IGFL2: variants seen among roughly 807,000 people sequenced by gnomAD.
IGFL2 encodes IGF like family member 2, also known as insulin growth factor-like family member 2.
In IGFL2, 7 loss-of-function variants were observed where a neutral mutation model predicts 13.9. The ratio of observed to expected loss-of-function variants is 0.51; its 90% confidence interval spans 0.29 to 0.95. The LOEUF (loss-of-function observed/expected upper bound fraction) is 0.95, where lower values mean the gene tolerates loss of function less well. Among genes scored for constraint, IGFL2 ranks in the 40% least tolerant of loss-of-function variants. The pLI, the probability that IGFL2 is intolerant of heterozygous loss-of-function variation, is 0.08. For synonymous variants in IGFL2, 55 were observed against 55.8 expected (o/e 0.99, Z 0.07); for missense variants, 138 against 147.8 (o/e 0.93, Z 0.34).
chr19:46,088,468 T>C, the IGFL2 span, among the ~76,000 whole-genome samples: 2 of 152,248 alleles, frequency 1.3e-5, no homozygotes, highest in African/African-American at 4.8e-5. Context: ...CCTTCAATTG[T>C]AACATATATA....
At chr19:46,185,397 G>A in the IGFL2 span, among the ~76,000 whole-genome samples, 1 of 152,192 alleles carries the variant, frequency 6.6e-6, no homozygotes, top group African/African-American at 2.4e-5. Flanking sequence ...TCAGAGACAT[G>A]GGGAGGAGGC....
chr19:46,184,676 T>C, the IGFL2 span, among the ~76,000 whole-genome samples: 4 of 152,362 alleles, frequency 2.6e-5, no homozygotes, highest in East Asian at 7.7e-4. Flanking sequence ...TTTGGGTTGG[T>C]TCCAAGTCTT....
chr19:46,083,444 T>A, the IGFL2 span, among the ~76,000 whole-genome samples: 2 of 152,236 alleles, frequency 1.3e-5, no homozygotes, highest in African/African-American at 4.8e-5. Context: ...TGTACATTTA[T>A]ATTAATATGT....
At chr19:46,122,747 C>T in the IGFL2 span, among the ~76,000 whole-genome samples, 1 of 150,912 alleles carries the variant, frequency 6.6e-6, no homozygotes, top group Non-Finnish European at 1.5e-5. Context: ...TTACATTACA[C>T]GTATTACCTC....
the IGFL2 span, among the ~76,000 whole-genome samples, chr19:46,196,553 G>A: frequency 6.6e-6 from 1 of 152,020 alleles, no homozygotes; most frequent in Non-Finnish European, 1.5e-5. Flanking sequence ...CGCTAGTCTC[G>A]GCTCAGCCCC....
At chr19:46,196,367 T>C in the IGFL2 span, 3,543 of 166,152 alleles carry the variant, frequency 0.021, 137 homozygotes, top group African/African-American at 0.08. Context: ...TCCCCATGCC[T>C]GGCCTCCTCC....
chr19:46,104,497 GA>G, the IGFL2 span, among the ~76,000 whole-genome samples: 1 of 152,180 alleles, frequency 6.6e-6, no homozygotes, highest in Non-Finnish European at 1.5e-5. Context: ...CCAAACCAAG[GA>G]ATTATGTCTG....
the IGFL2 span, chr19:46,209,103 A>G: frequency 2.4e-5 from 3 of 127,042 alleles, no homozygotes; most frequent in East Asian, 6.6e-4. Context: ...TCCCCAGACT[A>G]TAAGACCCAG....
the IGFL2 span, among the ~76,000 whole-genome samples, chr19:46,126,816 C>T: frequency 6.6e-6 from 1 of 152,140 alleles, no homozygotes; most frequent in Non-Finnish European, 1.5e-5. Flanking sequence ...AACCTGAAGA[C>T]TTAGTTCGTC....
At chr19:46,165,062 G>A (rs543510278), downstream of IGFL2, among the ~76,000 whole-genome samples, 55 of 152,186 alleles carry the variant, frequency 3.6e-4, no homozygotes, top group Admixed American at 9.8e-4. Flanking sequence ...CAACTTGTTA[G>A]GCCCTTGTAC....
chr19:46,145,704 C>G (rs1189231668), upstream of IGFL2, among the ~76,000 whole-genome samples: 2 of 151,628 alleles, frequency 1.3e-5, no homozygotes, highest in African/African-American at 2.4e-5. Context: ...GAGATAGTAT[C>G]TCACTGGTTT....
the IGFL2 span, among the ~76,000 whole-genome samples, chr19:46,174,568 C>T: frequency 2.0e-5 from 3 of 152,276 alleles, no homozygotes; most frequent in African/African-American, 7.2e-5. Flanking sequence ...GACTCGTCCT[C>T]AATTTTCCCT....
At chr19:46,102,204 C>T in the IGFL2 span, among the ~76,000 whole-genome samples, 21 of 148,308 alleles carry the variant, frequency 1.4e-4, no homozygotes, top group Admixed American at 2.7e-4. Flanking sequence ...TAATTTCATG[C>T]GCGCGTCTGT....
chr19:46,212,375 A>G, the IGFL2 span: 1 of 152,222 alleles, frequency 6.6e-6, no homozygotes, highest in Non-Finnish European at 1.5e-5. Context: ...ATCTGACCAC[A>G]TACATCCCCT....
chr19:46,198,889 AC>A, the IGFL2 span, among the ~76,000 whole-genome samples: 1 of 152,104 alleles, frequency 6.6e-6, no homozygotes, highest in Non-Finnish European at 1.5e-5. Flanking sequence ...TGGAACTAAC[AC>A]CACAAAGATG....
the IGFL2 span, among the ~76,000 whole-genome samples, chr19:46,109,585 G>A: frequency 6.6e-6 from 1 of 152,076 alleles, no homozygotes; most frequent in Admixed American, 6.5e-5. Context: ...CAAAGTGCTG[G>A]GATTACAGGC....
At chr19:46,192,611 G>A in the IGFL2 span, among the ~76,000 whole-genome samples, 9 of 151,580 alleles carry the variant, frequency 5.9e-5, no homozygotes, top group African/African-American at 1.9e-4. Flanking sequence ...GTAGAGACAG[G>A]GGTTTCACCA....
chr19:46,195,505 ATGT>A, the IGFL2 span, among the ~76,000 whole-genome samples: 1 of 152,182 alleles, frequency 6.6e-6, no homozygotes, highest in African/African-American at 2.4e-5. Context: ...TTTATGAAAA[ATGT>A]TGTAATCCTG....
chr19:46,131,581 C>T, the IGFL2 span, among the ~76,000 whole-genome samples: 1 of 152,060 alleles, frequency 6.6e-6, no homozygotes, highest in Non-Finnish European at 1.5e-5. Context: ...CTGTCAACAC[C>T]CATTTAATTT....
Sources: allele counts gnomAD v4.1 joint callset (sites outside exome capture counted in the v4.1 genomes callset), GRCh38; gene constraint gnomAD v4.1.1; transcripts MANE v1.5; gene names NCBI Gene and HGNC (gene_info 2026-07-23, HGNC 2026-07-21).